The following MIPEP variants were observed in gnomAD, a reference collection of about 807,000 sequenced individuals.
MIPEP encodes the protein mitochondrial intermediate peptidase.
A neutral mutation model predicts 90.3 loss-of-function variants in MIPEP; 79 were observed. The ratio of observed to expected loss-of-function variants is 0.87; its 90% CI spans 0.73 to 1.05. The LOEUF is 1.05. Among genes scored for constraint, MIPEP ranks in the 50% least tolerant of loss-of-function variants. The probability of loss-of-function intolerance (pLI) is 0.00; values close to 1 mark genes in which losing one functional copy is unlikely to be tolerated. For synonymous variants in MIPEP, 334 were observed against 315.8 expected, an observed-to-expected ratio of 1.06 and a Z score of -0.61; for missense variants, 940 against 905.6, an observed-to-expected ratio of 1.04 and a Z score of -0.49.
At chr13:23,838,439 C>T (rs1430938314) in intron 12 of MIPEP, among the ~76,000 whole-genome samples, 4 of 152,156 alleles carry the variant, frequency 2.6e-5, no homozygotes, top group Non-Finnish European at 5.9e-5. Context: ...TGAGCCACCG[C>T]GCCCAGCCTC....
chr13:23,832,993 A>G (rs1282465059), intron 14 of MIPEP, among the ~76,000 whole-genome samples: 1 of 152,182 alleles, frequency 6.6e-6, no homozygotes, highest in African/African-American at 2.4e-5. Context: ...ATGCTATGAT[A>G]TAGTTCTGAT....
At chr13:23,821,757 C>G (rs1168168955) in intron 14 of MIPEP, among the ~76,000 whole-genome samples, 1 of 152,168 alleles carries the variant, frequency 6.6e-6, no homozygotes, top group Non-Finnish European at 1.5e-5. Flanking sequence ...AGATGCATAT[C>G]CTCTTATATA....
At chr13:23,783,689 T>C (rs1293123735) in intron 16 of MIPEP, among the ~76,000 whole-genome samples, 1 of 152,236 alleles carries the variant, frequency 6.6e-6, no homozygotes, top group Non-Finnish European at 1.5e-5. Flanking sequence ...CATGATTGTA[T>C]ATTTAGAAAA....
chr13:23,746,735 A>G (rs933317614), intron 18 of MIPEP, among the ~76,000 whole-genome samples: 5 of 152,166 alleles, frequency 3.3e-5, no homozygotes, highest in African/African-American at 4.8e-5. Context: ...CAAAGCACTG[A>G]GAGAACGTTA....
At chr13:23,881,075 T>C (rs1482056985) in intron 3 of MIPEP, among the ~76,000 whole-genome samples, 1 of 152,176 alleles carries the variant, frequency 6.6e-6, no homozygotes, top group African/African-American at 2.4e-5. Context: ...TTAAAAATAC[T>C]CACATTTACC....
At chr13:23,837,809 A>T in intron 12 of MIPEP, 53 bp from the exon 13 acceptor site, 1 of 1,388,338 alleles carries the variant, frequency 7.2e-7, no homozygotes, top group Non-Finnish European at 1.0e-6. Context: ...TAATGTGAAG[A>T]GTAAAACAGT....
chr13:23,778,731 T>TAATAAC (rs1353972042), intron 16 of MIPEP, among the ~76,000 whole-genome samples: 1 of 151,882 alleles, frequency 6.6e-6, no homozygotes, highest in East Asian at 1.9e-4. Flanking sequence ...ATAATAATAA[T>TAATAAC]ACATGACATC....
Position 23,889,383 on chromosome 13 carries a change from C to A in MIPEP, c.-63G>T. The A allele has an allele frequency of 8.1e-7, 1 of 1,228,168 alleles. No homozygotes were observed. The highest frequency in any genetic ancestry group is 1.0e-6 in the Non-Finnish European group (1 of 980,098). The allele number at this position is 1,228,168 out of a possible 1,614,324, so 76.1% of individuals were successfully genotyped here. A position where few individuals can be genotyped will look rare whatever the true frequency, so the allele number is the denominator to read the frequency against. ...CCTGCCCTGCTGCTTTCGCTGGGAG[C>A]GCGCGCTCCGCGTTTCCAAGGCAGC... is the stretch of plus-strand genomic sequence containing the variant. On this transcript the variant is annotated 5_prime_UTR_variant, in exon 1 of 19. Transcript: ENST00000382172.
chr13:23,857,280 T>C (rs1010614681), intron 10 of MIPEP, among the ~76,000 whole-genome samples: 1 of 152,198 alleles, frequency 6.6e-6, no homozygotes, highest in East Asian at 1.9e-4. Context: ...ACCAAATTAT[T>C]ATAGACTTTG....
At chr13:23,846,049 G>T (rs1421683439) in intron 10 of MIPEP, among the ~76,000 whole-genome samples, 1 of 150,876 alleles carries the variant, frequency 6.6e-6, no homozygotes, top group Non-Finnish European at 1.5e-5. Context: ...TGATACTTTT[G>T]GTAGATACGG....
Position 23,809,946 on chromosome 13 carries a change from A to G in MIPEP, c.1654-22T>C, listed in dbSNP as rs774262413. On this transcript the variant is annotated intron_variant, in intron 14 of 18. Transcript: ENST00000382172. ...GTGGCTTGATAAAACAAAAGAATAT[A>G]TATGTGAGTAAACTGCGTAATAAGT... 4.6e-6 allele frequency: 7 copies of G among 1,528,764 alleles called. No individual in the cohort carries two copies. In the Admixed American group the frequency reaches 1.2e-4, roughly 26 times the overall value. 94.7% of individuals were successfully genotyped at this position (1,528,764 alleles called of 1,614,324 possible).
chr13:23,827,128 C>T (rs1377386499), intron 14 of MIPEP, among the ~76,000 whole-genome samples: 4 of 150,204 alleles, frequency 2.7e-5, no homozygotes, highest in South Asian at 4.3e-4. Context: ...GCCACGTTGG[C>T]GGGGAGTAGT....
intron 18 of MIPEP, among the ~76,000 whole-genome samples, chr13:23,748,582 C>T (rs1415543689): frequency 6.6e-6 from 1 of 152,242 alleles, no homozygotes; most frequent in Non-Finnish European, 1.5e-5. Flanking sequence ...TGATTTACTT[C>T]CAACAGCAAA....
intron 14 of MIPEP, among the ~76,000 whole-genome samples, chr13:23,827,828 G>A (rs1345991944): frequency 6.6e-6 from 1 of 152,198 alleles, no homozygotes; most frequent in Non-Finnish European, 1.5e-5. Context: ...CTACTCAGGA[G>A]GCTGAGGCGG....
At chr13:23,762,660 G>C (rs149914286) in intron 16 of MIPEP, among the ~76,000 whole-genome samples, 35 of 152,362 alleles carry the variant, frequency 2.3e-4, no homozygotes, top group African/African-American at 7.5e-4. Context: ...TGGGGATGCA[G>C]CCAGTCAGAA....
intron 3 of MIPEP, among the ~76,000 whole-genome samples, chr13:23,880,672 A>G (rs1871237507): frequency 6.6e-6 from 1 of 152,178 alleles, no homozygotes; most frequent in African/African-American, 2.4e-5. Flanking sequence ...CAGCATGCCC[A>G]GTATCTGCAC....
rs773782240 is a variant in MIPEP at position 23,886,802 on chromosome 13, C to A, written c.190-296G>T. Among the ~76,000 whole-genome samples, 9 of 151,418 alleles carry A rather than the reference C, an allele frequency of 5.9e-5. 1 individual carries two copies. Among genetic ancestry groups the A allele is most frequent in the Middle Eastern group, 3.4e-3 (1 of 292 alleles). On this transcript the variant is annotated intron_variant, in intron 1 of 18. Coordinates refer to ENST00000382172, the MANE Select transcript of MIPEP (RefSeq NM_005932.4). ...TCACTTCTACAGAACCTAAGAGTGG[C>A]CGCAAAGATTAAATGAGATCATATA...
At chr13:23,810,184 C>T (rs919143100) in intron 14 of MIPEP, among the ~76,000 whole-genome samples, 14 of 152,138 alleles carry the variant, frequency 9.2e-5, no homozygotes, top group African/African-American at 2.9e-4. Context: ...AAGACACTGG[C>T]GCCGATCTTT....
intron 16 of MIPEP, among the ~76,000 whole-genome samples, chr13:23,792,919 T>G (rs1387348091): frequency 6.6e-6 from 1 of 152,218 alleles, no homozygotes. Flanking sequence ...TCATTCTCCA[T>G]GCTCCAGAAT....
Sources: allele counts gnomAD v4.1 joint callset (sites outside exome capture counted in the v4.1 genomes callset), GRCh38; gene constraint gnomAD v4.1.1; transcripts MANE v1.5; gene names NCBI Gene and HGNC (gene_info 2026-07-23, HGNC 2026-07-21).